ADAM28: variants seen among roughly 807,000 people sequenced by gnomAD.
ADAM28 encodes disintegrin and metalloproteinase domain-containing protein 28.
Under a neutral mutation model 101.2 loss-of-function variants are expected in ADAM28, and 105 were observed. The ratio of observed to expected loss-of-function variants is 1.04; its 90% confidence interval spans 0.89 to 1.22. ADAM28 has a LOEUF of 1.22. ADAM28 is among the 50% of genes most tolerant of loss of function. The probability of loss-of-function intolerance (pLI) is 0.00; values close to 1 mark genes in which losing one functional copy is unlikely to be tolerated. For missense variants in ADAM28, 1,028 were observed against 945.4 expected, an observed-to-expected ratio of 1.09 and a Z score of -1.15; for synonymous variants, 322 against 310.6, an observed-to-expected ratio of 1.04 and a Z score of -0.39.
intron 21 of ADAM28, among the ~76,000 whole-genome samples, chr8:24,353,120 T>A (rs1185705507): frequency 6.6e-6 from 1 of 152,148 alleles, no homozygotes; most frequent in African/African-American, 2.4e-5. Flanking sequence ...TAAAAAATAG[T>A]ATTGCTGTTA....
Position 24,335,554 on chromosome 8 carries a change from G to T in ADAM28, c.1480G>T (p.Gly494Cys). 6.2e-7 allele frequency: 1 copy of T among 1,614,042 alleles called. No individual in the cohort carries two copies. The highest frequency in any genetic ancestry group is 8.5e-7 in the Non-Finnish European group (1 of 1,179,956). ...NCPDDRFQVN[G>C]FPCHHGKGHC... ...TCCTGATGATAGATTCCAAGTCAAT[G>T]GCTTCCCTTGCCATCACGGGAAGGG... The change falls in exon 14 of 23, where the codon GGC becomes TGC. Residue 494 changes from glycine to cysteine, a missense_variant. Physicochemically the swap from Gly to Cys is radical, Grantham distance 159. Coordinates refer to ENST00000265769, the MANE Select transcript of ADAM28 (RefSeq NM_014265.6).
chr8:24,349,720 T>A (rs895715623), intron 18 of ADAM28, 144 bp from the exon 19 acceptor site: 1 of 557,878 alleles, frequency 1.8e-6, no homozygotes, highest in African/African-American at 1.8e-5. Flanking sequence ...ATCAAAATAC[T>A]TTTTCATTTT....
chr8:24,305,971 C>A (rs1359141352), intron 2 of ADAM28, among the ~76,000 whole-genome samples: 1 of 152,030 alleles, frequency 6.6e-6, no homozygotes, highest in African/African-American at 2.4e-5. Flanking sequence ...TTAATTCCAG[C>A]TGTTCACAGG....
At chr8:24,323,759 C>T in intron 8 of ADAM28, 75 bp from the exon 9 acceptor site, 2 of 1,409,522 alleles carry the variant, frequency 1.4e-6, no homozygotes, top group Non-Finnish European at 1.9e-6. Context: ...TTTAAAAATA[C>T]AAAATATATT....
intron 10 of ADAM28, 117 bp downstream of exon 10, chr8:24,326,752 C>A: frequency 2.2e-6 from 2 of 893,772 alleles, no homozygotes; most frequent in Non-Finnish European, 3.3e-6. Context: ...TGGTAAATAA[C>A]ACTGATTGAA....
Position 24,343,560 on chromosome 8 carries a change from T to G in ADAM28, c.1966T>G (p.Cys656Gly). ...TGAGGAAGGATGGATCCCTCCCGAC[T>G]GCGATGACTCCTCAGTGGTCTTCCG... ...QCEEGWIPPDCDDSSVVFHFS... is the reference protein window; with the variant it reads ...QCEEGWIPPDGDDSSVVFHFS... Residue 656 changes from cysteine (C) to glycine (G), a missense_variant, in exon 18 of 23, where the codon TGC (cysteine) becomes GGC (glycine). Physicochemically the swap from Cys to Gly is radical, Grantham distance 159. Coordinates refer to ENST00000265769, the MANE Select transcript of ADAM28 (RefSeq NM_014265.6). 1 of 1,613,796 alleles carries G rather than the reference T, an allele frequency of 6.2e-7. No individual in the cohort carries two copies. Among genetic ancestry groups the G allele is most frequent in the South Asian group, 1.1e-5 (1 of 91,072 alleles).
At chr8:24,295,490 A>G (rs567486262) in intron 1 of ADAM28, among the ~76,000 whole-genome samples, 1 of 152,286 alleles carries the variant, frequency 6.6e-6, no homozygotes, top group South Asian at 2.1e-4. Flanking sequence ...TCCGTTCTCC[A>G]AAAATGCTAT....
Position 24,335,511 on chromosome 8 carries a change from T to C in ADAM28, c.1437T>C (p.Asn479=), listed in dbSNP as rs1813908995. ...KDECDLPEMC[N]GKSGNCPDDR... ...AGTGCGACCTGCCTGAAATGTGTAATGGTAAATCTGGTAATTGTCCTGATG... is the reference window on the plus strand; with the variant it reads ...AGTGCGACCTGCCTGAAATGTGTAACGGTAAATCTGGTAATTGTCCTGATG... Residue 479 remains asparagine, a synonymous_variant, in exon 14 of 23, where the codon AAT becomes AAC. Transcript: ENST00000265769. The C allele has an allele frequency of 5.0e-6, 8 of 1,614,174 alleles. No individual in the cohort carries two copies. The African/African-American group carries it at 6.7e-5, about 13-fold the overall frequency.
Position 24,335,610 on chromosome 8 carries a change from G to T in ADAM28, c.1536G>T (p.Leu512=), listed in dbSNP as rs1471394898. The change falls in exon 14 of 23, where the codon CTG becomes CTT. Residue 512 remains leucine, a synonymous_variant. Transcript: ENST00000265769. ...GCTTGATGGGGACATGCCCCACACT[G>T]CAGGAGCAGTGCACAGAGCTGTGGG... ...GHCLMGTCPT[L]QEQCTELWGP... is the part of the protein sequence containing the mutation. The T allele has an allele frequency of 6.2e-7, 1 of 1,612,608 alleles. No individual in the cohort carries two copies. Among genetic ancestry groups the T allele is most frequent in the Non-Finnish European group, 8.5e-7 (1 of 1,179,340 alleles).
At chr8:24,310,068 G>A (rs1810244127) in intron 3 of ADAM28, 95 bp from the exon 4 acceptor site, 2 of 1,507,424 alleles carry the variant, frequency 1.3e-6, no homozygotes, top group Non-Finnish European at 9.2e-7. Context: ...CACAAACCTG[G>A]ACTAATCAGC....
chr8:24,341,473 G>C lies in ADAM28; in HGVS notation c.1671-125G>C, dbSNP rs906455039. ...ATTACTGAGAAATAAGGGAAAATGA[G>C]TGTAAAGTACAACTAAGAGTCTCGG... On this transcript the variant is annotated intron_variant, in intron 15 of 22. Coordinates refer to ENST00000265769, the MANE Select transcript of ADAM28 (RefSeq NM_014265.6). The C allele has an allele frequency of 3.2e-6, 3 of 944,542 alleles. No homozygotes were observed. The African/African-American group carries it at 5.0e-5, about 16-fold the overall frequency. 58.5% of individuals were successfully genotyped at this position (944,542 alleles called of 1,614,324 possible).
At chr8:24,340,315 T>G (rs1470979924) in intron 15 of ADAM28, among the ~76,000 whole-genome samples, 1 of 152,180 alleles carries the variant, frequency 6.6e-6, no homozygotes, top group Non-Finnish European at 1.5e-5. Context: ...TGACAGGTAT[T>G]ACCAAACTAT....
At chr8:24,318,481 C>T (rs982983452) in intron 6 of ADAM28, among the ~76,000 whole-genome samples, 1 of 151,894 alleles carries the variant, frequency 6.6e-6, no homozygotes, top group Non-Finnish European at 1.5e-5. Context: ...GCACTAATGG[C>T]CATCAGACGT....
rs1816068721 is a variant in ADAM28 at position 24,351,139 on chromosome 8, T to G, written c.2100-93T>G. On this transcript the variant is annotated intron_variant, in intron 19 of 22. Coordinates refer to ENST00000265769, the MANE Select transcript of ADAM28 (RefSeq NM_014265.6). ...CAGGCAATAGGCAAGAAAGACACAA[T>G]GGGAAAAAGAAGTTGGGAATCTTCT... is the stretch of plus-strand genomic sequence containing the variant. 5.5e-6 allele frequency: 6 copies of G among 1,088,384 alleles called. 1 individual carries two copies. The Admixed American group carries it at 1.6e-4, about 30-fold the overall frequency. 67.4% of individuals were successfully genotyped at this position (1,088,384 alleles called of 1,614,324 possible). A position where few individuals can be genotyped will look rare whatever the true frequency, so the allele number is the denominator to read the frequency against.
intron 3 of ADAM28, 33 bp downstream of exon 3, chr8:24,310,003 C>A: frequency 6.5e-7 from 1 of 1,527,016 alleles, no homozygotes; most frequent in Non-Finnish European, 9.1e-7. Context: ...TTATCCTCAG[C>A]AAGAGCAAGG....
At chr8:24,326,862 A>G (rs1812687273) in intron 10 of ADAM28, among the ~76,000 whole-genome samples, 1 of 152,078 alleles carries the variant, frequency 6.6e-6, no homozygotes, top group Non-Finnish European at 1.5e-5. Context: ...TTTTAGCTAC[A>G]AACTCTCAAT....
chr8:24,300,312 A>G (rs746080106), intron 2 of ADAM28, among the ~76,000 whole-genome samples: 4 of 152,236 alleles, frequency 2.6e-5, no homozygotes, highest in Non-Finnish European at 4.4e-5. Context: ...CTTTTAAAAA[A>G]TCTTCACTAT....
intron 22 of ADAM28, 66 bp downstream of exon 22, chr8:24,353,898 C>A: frequency 8.7e-7 from 1 of 1,155,398 alleles, no homozygotes; most frequent in South Asian, 1.5e-5. Flanking sequence ...AGAGAAGGCC[C>A]ACCATGTCTT....
At chr8:24,325,888 A>ACAAAC (rs1175328782) in intron 9 of ADAM28, among the ~76,000 whole-genome samples, 4 of 136,128 alleles carry the variant, frequency 2.9e-5, no homozygotes, top group African/African-American at 1.1e-4. Context: ...AAAAAAAAAA[A>ACAAAC]AAAAAAAAAA....
Sources: allele counts gnomAD v4.1 joint callset (sites outside exome capture counted in the v4.1 genomes callset), GRCh38; gene constraint gnomAD v4.1.1; transcripts MANE v1.5; gene names NCBI Gene and HGNC (gene_info 2026-07-23, HGNC 2026-07-21).